The following SNF8 variants were observed in gnomAD, a reference collection of about 807,000 sequenced individuals.
The protein encoded by SNF8 is vacuolar-sorting protein SNF8.
SNF8 carries 19 observed loss-of-function variants against 36.8 expected under a neutral mutation model. The observed-to-expected ratio is 0.52, with a 90% CI of 0.36 to 0.76. SNF8 has a LOEUF of 0.76. SNF8 is among the 30% of genes least tolerant of loss of function. The probability of loss-of-function intolerance (pLI) is 0.00; values close to 1 mark genes in which losing one functional copy is unlikely to be tolerated. For synonymous variants in SNF8, 127 were observed against 127.4 expected (o/e 1.00, Z 0.02); for missense variants, 268 against 322.9 (o/e 0.83, Z 1.30).
chr17:48,937,867 A>G (rs927282987), intron 3 of SNF8, among the ~76,000 whole-genome samples: 4 of 152,128 alleles, frequency 2.6e-5, no homozygotes, highest in African/African-American at 9.7e-5. Context: ...CAGAGGTTGC[A>G]GTGAGCCGGG....
intron 3 of SNF8, 137 bp downstream of exon 3, chr17:48,940,787 C>T (rs2041011172): frequency 9.6e-7 from 1 of 1,037,494 alleles, no homozygotes; most frequent in Non-Finnish European, 1.4e-6. Context: ...AAAACTCCGT[C>T]TCAAAAAGAC....
At chr17:48,935,037 AC>A (rs1408401006) in intron 5 of SNF8, among the ~76,000 whole-genome samples, 2 of 152,082 alleles carry the variant, frequency 1.3e-5, no homozygotes, top group Non-Finnish European at 2.9e-5. Context: ...CTTTCTAGGC[AC>A]CTACACTACT....
chr17:48,942,731 C>T (rs1005473782), intron 2 of SNF8, among the ~76,000 whole-genome samples: 2 of 152,040 alleles, frequency 1.3e-5, no homozygotes, highest in African/African-American at 4.8e-5. Context: ...AACAGCTCTA[C>T]CACTTACTAC....
At chr17:48,936,468 T>G (rs1249686816) in intron 4 of SNF8, among the ~76,000 whole-genome samples, 2 of 152,220 alleles carry the variant, frequency 1.3e-5, no homozygotes, top group Non-Finnish European at 2.9e-5. Flanking sequence ...ACAAAAGCAG[T>G]ATCATCTTTG....
At chr17:48,933,141 C>CT in intron 6 of SNF8, 64 bp downstream of exon 6, 1 of 1,581,674 alleles carries the variant, frequency 6.3e-7, no homozygotes, top group Admixed American at 1.7e-5. Context: ...GAGCTGAGAA[C>CT]TGCTCCAGAC....
At chr17:48,937,411 C>A (rs1306089700) in intron 3 of SNF8, 2 of 469,580 alleles carry the variant, frequency 4.3e-6, no homozygotes, top group South Asian at 1.7e-5. Context: ...GTGGATCGCT[C>A]GAGACCAAGA....
At chr17:48,937,621 ACT>A (rs200877777) in intron 3 of SNF8, among the ~76,000 whole-genome samples, 59,140 of 145,794 alleles carry the variant, frequency 0.41, 14,235 homozygotes, top group East Asian at 0.7. Flanking sequence ...TAAGAGCACA[ACT>A]CTCTCTCAAA....
Position 48,940,992 on chromosome 17 carries a change from C to T in SNF8, c.176G>A (p.Arg59Gln). The change falls in exon 3 of 8, where the codon CGG (arginine) becomes CAG (glutamine). Residue 59 changes from arginine (R) to glutamine (Q), a missense_variant. Transcript: ENST00000502492. ...EFASKHKQEIRKNPEFRVQFQ... is the reference protein window; with the variant it reads ...EFASKHKQEIQKNPEFRVQFQ... Reference sequence around the variant, plus strand: ...CTGCACACGGAACTCAGGATTCTTCCGGATCTCCTGCTTGTGTTTGCTGGC... The same window carrying T: ...CTGCACACGGAACTCAGGATTCTTCTGGATCTCCTGCTTGTGTTTGCTGGC... The T allele has an allele frequency of 6.2e-7, 1 of 1,613,514 alleles. No homozygotes were observed. The highest frequency in any genetic ancestry group is 8.5e-7 in the Non-Finnish European group (1 of 1,180,012).
intron 7 of SNF8, among the ~76,000 whole-genome samples, 173 bp downstream of exon 7, chr17:48,931,470 C>A (rs536701413): frequency 6.6e-6 from 1 of 152,204 alleles, no homozygotes; most frequent in South Asian, 2.1e-4. Context: ...CTTCCTAGTT[C>A]TACCTTTTTG....
intron 2 of SNF8, among the ~76,000 whole-genome samples, chr17:48,943,241 G>A (rs989591941): frequency 6.6e-5 from 10 of 151,874 alleles, no homozygotes; most frequent in South Asian, 2.1e-4. Context: ...AGGCCGAGGC[G>A]GGTGGATCAC....
At chr17:48,938,629 G>A (rs1451414027) in intron 3 of SNF8, among the ~76,000 whole-genome samples, 1 of 152,168 alleles carries the variant, frequency 6.6e-6, no homozygotes, top group Admixed American at 6.6e-5. Flanking sequence ...CAGCACTTTG[G>A]GAGGTTGAGA....
rs770790315 is a variant in SNF8, at chr17:48,944,769, G to A, written c.-35C>T. ...GGGCCCGCGGGCCGCCCGGCTGCCGGGACCCCGGGTCTCCACGTCCCGGAC... is the reference window on the plus strand; with the variant it reads ...GGGCCCGCGGGCCGCCCGGCTGCCGAGACCCCGGGTCTCCACGTCCCGGAC... On this transcript the variant is annotated 5_prime_UTR_variant, in exon 1 of 8. Coordinates refer to ENST00000502492, the MANE Select transcript of SNF8 (RefSeq NM_007241.4). 2 of 1,582,814 alleles carry A rather than the reference G, an allele frequency of 1.3e-6. No homozygotes were observed. The highest frequency in any genetic ancestry group is 8.5e-7 in the Non-Finnish European group (1 of 1,169,674).
chr17:48,943,915 A>G lies in SNF8; in HGVS notation c.105+10T>C, dbSNP rs746030674. 5.3e-5 allele frequency: 86 copies of G among 1,613,738 alleles called. No homozygotes were observed. The highest frequency in any genetic ancestry group is 7.0e-5 in the Non-Finnish European group (83 of 1,179,804). On this transcript the variant is annotated intron_variant, in intron 2 of 7. Transcript: ENST00000502492. ...CTCCCTCCCTGCCTGGGGCCCCCCA[A>G]CCGACTTACCTGGGCTAGCTGGTCC... is the stretch of plus-strand genomic sequence containing the variant.
chr17:48,935,371 G>A (rs1017502516), intron 5 of SNF8, among the ~76,000 whole-genome samples: 13 of 152,054 alleles, frequency 8.5e-5, no homozygotes, highest in Admixed American at 2.0e-4. Flanking sequence ...AAATTAGCCG[G>A]GCGTGGTGGC....
At chr17:48,940,872 T>C in intron 3 of SNF8, 52 bp downstream of exon 3, 1 of 1,588,130 alleles carries the variant, frequency 6.3e-7, no homozygotes, top group Non-Finnish European at 8.6e-7. Context: ...TGTGAGCTTC[T>C]GTTCCTCAGG....
intron 2 of SNF8, among the ~76,000 whole-genome samples, chr17:48,941,365 A>G: frequency 6.6e-6 from 1 of 152,206 alleles, no homozygotes; most frequent in Non-Finnish European, 1.5e-5. Flanking sequence ...AAATATATGC[A>G]CAAAAAAAGA....
intron 6 of SNF8, chr17:48,932,070 A>G: frequency 1.9e-5 from 3 of 159,570 alleles, no homozygotes; most frequent in Non-Finnish European, 4.1e-5. Flanking sequence ...AAATACAAAA[A>G]TTAGCCAGGC....
At position 48,930,449 on chromosome 17, in the gene SNF8, G is replaced by A; in HGVS notation, c.*26C>T. On this transcript the variant is annotated 3_prime_UTR_variant, in exon 8 of 8. Coordinates refer to ENST00000502492, the MANE Select transcript of SNF8 (RefSeq NM_007241.4). ...TGCCACCTCCGCCTCCTCCCTGCCTGCTGCTGTGTGCCCTTCCACATGCAG... is the reference window on the plus strand; with the variant it reads ...TGCCACCTCCGCCTCCTCCCTGCCTACTGCTGTGTGCCCTTCCACATGCAG... 2 of 1,536,402 alleles carry A rather than the reference G, an allele frequency of 1.3e-6. No individual in the cohort carries two copies. Among genetic ancestry groups the A allele is most frequent in the Non-Finnish European group, 1.8e-6 (2 of 1,133,506 alleles).
intron 3 of SNF8, 84 bp from the exon 4 acceptor site, chr17:48,937,208 A>T (rs1371840095): frequency 4.8e-6 from 5 of 1,044,006 alleles, no homozygotes; most frequent in Non-Finnish European, 7.6e-6. Context: ...AACATCTATC[A>T]TATGGGAAGT....
Sources: allele counts gnomAD v4.1 joint callset (sites outside exome capture counted in the v4.1 genomes callset), GRCh38; gene constraint gnomAD v4.1.1; transcripts MANE v1.5; gene names NCBI Gene and HGNC (gene_info 2026-07-23, HGNC 2026-07-21).